Variants in CAPN13 observed in about 807,000 individuals in gnomAD.
The protein encoded by CAPN13 is calpain-13.
A neutral mutation model predicts 98.4 loss-of-function variants in CAPN13; 90 were observed. The observed-to-expected ratio is 0.92, with a 90% confidence interval of 0.77 to 1.09. The LOEUF is 1.09. Among genes scored for constraint, CAPN13 ranks in the 50% least tolerant of loss-of-function variants. CAPN13 has a pLI of 0.00. For missense variants in CAPN13, 887 were observed against 841.3 expected (o/e 1.05, Z -0.67); for synonymous variants, 330 against 305.5 (o/e 1.08, Z -0.84).
Position 30,774,987 on chromosome 2 carries a change from T to A in CAPN13, c.387+943A>T, listed in dbSNP as rs568849820. Among the ~76,000 whole-genome samples the A allele has an allele frequency of 1.2e-4, 18 of 152,282 alleles. 1 individual carries two copies. The highest frequency in any genetic ancestry group is 3.4e-3 in the Middle Eastern group (1 of 294). The stretch of plus-strand genomic sequence containing the variant: ...GGCAGGATTTGGCTCTTGTCACTCA[T>A]TCAAAATTCTGAGGTTCTAGCTAAT... On this transcript the variant is annotated intron_variant, in intron 4 of 22. Coordinates refer to ENST00000295055, the MANE Select transcript of CAPN13 (RefSeq NM_144575.3).
In CAPN13 at chr2:30,764,210, A is replaced by G. The variant is rs752790953; in HGVS notation, c.621T>C (p.Ser207=). 6.2e-7 allele frequency: 1 copy of G among 1,611,730 alleles called. No homozygotes were observed. The highest frequency in any genetic ancestry group is 8.5e-7 in the Non-Finnish European group (1 of 1,179,024). ...CTGCCTTCACCAGGTCCACAGGGGA[A>G]GAGTGCAGATGGATGTTGGTGATCA... ...GGVITNIHLH[S]SPVDLVKAVK... The change falls in exon 6 of 23, where the codon TCT becomes TCC. Residue 207 remains serine (S), a synonymous_variant. Transcript: ENST00000295055.
At chr2:30,764,681 G>A (rs1673024035) in intron 5 of CAPN13, among the ~76,000 whole-genome samples, 1 of 152,148 alleles carries the variant, frequency 6.6e-6, no homozygotes, top group East Asian at 1.9e-4. Context: ...ATAGTGCCCG[G>A]CACGTGACCA....
chr2:30,768,865 A>G (rs567722640), intron 5 of CAPN13, among the ~76,000 whole-genome samples: 1 of 152,078 alleles, frequency 6.6e-6, no homozygotes, highest in South Asian at 2.1e-4. Flanking sequence ...AGTGCCTCTT[A>G]CCTCATTTGC....
intron 1 of CAPN13, among the ~76,000 whole-genome samples, chr2:30,799,201 GGA>G (rs565816887): frequency 4.9e-4 from 75 of 152,174 alleles, no homozygotes; most frequent in African/African-American, 1.8e-3. Context: ...AGAGTGGGTG[GGA>G]GAGAGAGGGA....
At chr2:30,797,026 CA>C (rs1356631532) in intron 1 of CAPN13, among the ~76,000 whole-genome samples, 2 of 152,136 alleles carry the variant, frequency 1.3e-5, no homozygotes, top group Non-Finnish European at 2.9e-5. Flanking sequence ...AAAGAGGTGG[CA>C]AATTTTCATA....
intron 1 of CAPN13, among the ~76,000 whole-genome samples, chr2:30,803,200 C>T (rs756554658): frequency 1.2e-4 from 18 of 152,176 alleles, no homozygotes; most frequent in African/African-American, 4.1e-4. Flanking sequence ...GAATGTTTGG[C>T]GAGAAGAACA....
At chr2:30,726,674 G>T (rs1252348605) in intron 22 of CAPN13, among the ~76,000 whole-genome samples, 1 of 152,018 alleles carries the variant, frequency 6.6e-6, no homozygotes, top group African/African-American at 2.4e-5. Context: ...GAAAGTGTAA[G>T]ACTTCTACAC....
intron 2 of CAPN13, among the ~76,000 whole-genome samples, chr2:30,783,731 T>C (rs1278434007): frequency 1.3e-5 from 2 of 152,180 alleles, no homozygotes; most frequent in African/African-American, 4.8e-5. Flanking sequence ...GCTTTCTCAT[T>C]GTCAGGAAAA....
intron 22 of CAPN13, among the ~76,000 whole-genome samples, chr2:30,728,605 G>A (rs1206502454): frequency 6.6e-6 from 1 of 152,204 alleles, no homozygotes; most frequent in Middle Eastern, 3.2e-3. Context: ...AGAGGGACAA[G>A]TTGTGGTTAG....
rs1202026638 is a variant in CAPN13, at chr2:30,751,262, AAG to A, written c.1088-13_1088-12del. On this transcript the variant is annotated splice_polypyrimidine_tract_variant and intron_variant, in intron 10 of 22. Transcript: ENST00000295055. ...CATTCCGAGGTCCTCCTGCATCAGA[AAG>A]AGCTGTTACTAGAGCTCAGCTCCAC... 1 of 1,613,280 alleles carries A rather than the reference AAG, an allele frequency of 6.2e-7. No individual in the cohort carries two copies. The highest frequency in any genetic ancestry group is 8.5e-7 in the Non-Finnish European group (1 of 1,179,500).
chr2:30,735,277 T>C (rs1271081216), intron 18 of CAPN13, among the ~76,000 whole-genome samples: 1 of 152,184 alleles, frequency 6.6e-6, no homozygotes, highest in Non-Finnish European at 1.5e-5. Flanking sequence ...GGATGAGGTG[T>C]GTAAGTGCTG....
At chr2:30,781,021 C>T (rs538698981) in intron 2 of CAPN13, among the ~76,000 whole-genome samples, 2 of 152,326 alleles carry the variant, frequency 1.3e-5, no homozygotes, top group East Asian at 1.9e-4. Context: ...AGTCTCCAGC[C>T]GACTGTGAAT....
intron 11 of CAPN13, among the ~76,000 whole-genome samples, chr2:30,749,826 A>G (rs1672086675): frequency 2.0e-5 from 3 of 152,298 alleles, no homozygotes; most frequent in Non-Finnish European, 4.4e-5. Context: ...GAGAACCTTC[A>G]CTTGATTTGG....
chr2:30,731,018 G>A (rs1248399359), intron 21 of CAPN13, among the ~76,000 whole-genome samples: 2 of 152,188 alleles, frequency 1.3e-5, no homozygotes. Flanking sequence ...CCAGCTGGCT[G>A]GTCAGGAGCC....
intron 5 of CAPN13, among the ~76,000 whole-genome samples, chr2:30,765,070 G>A (rs757071739): frequency 2.1e-4 from 32 of 151,998 alleles, no homozygotes; most frequent in Non-Finnish European, 3.8e-4. Flanking sequence ...CCTCCACCCC[G>A]ACCCATGGCA....
Position 30,736,540 on chromosome 2 carries a change from T to A in CAPN13, c.1685A>T (p.Glu562Val), listed in dbSNP as rs752891629. 3.1e-6 allele frequency: 5 copies of A among 1,613,906 alleles called. No individual in the cohort carries two copies. The South Asian group carries it at 5.5e-5, about 18-fold the overall frequency. The change falls in exon 18 of 23, where the codon GAG becomes GTG. Residue 562 changes from glutamate (E) to valine (V), a missense_variant. Physicochemically the swap from Glu to Val is moderately radical, Grantham distance 121. Transcript: ENST00000295055. ...LKVNGRLDQE[E>V]FARLWKRLVH... ...AAGGCGCTTCCACAGTCGCGCAAACTCCTCTTGGTCTAGCCGCCCATTCAC... is the reference window on the plus strand; with the variant it reads ...AAGGCGCTTCCACAGTCGCGCAAACACCTCTTGGTCTAGCCGCCCATTCAC...
intron 2 of CAPN13, 46 bp downstream of exon 2, chr2:30,787,082 C>A: frequency 6.8e-7 from 1 of 1,461,254 alleles, no homozygotes; most frequent in Middle Eastern, 2.5e-4. Flanking sequence ...TGGCAGGCGA[C>A]TCCGAGGACC....
At chr2:30,794,372 T>C (rs1674748836) in intron 1 of CAPN13, among the ~76,000 whole-genome samples, 1 of 152,040 alleles carries the variant, frequency 6.6e-6, no homozygotes, top group South Asian at 2.1e-4. Context: ...CATTTTCTAA[T>C]GGCCTAAAAT....
Position 30,734,481 on chromosome 2 carries a change from C to A in CAPN13, c.1766G>T (p.Ser589Ile). ...KVQTSPGVLL[S>I]SDLWKAIENT... ...CTCTATGGCCTTCCACAAGTCCGAG[C>A]TCAGGAGGACTCCAGGGCTTGTCTG... Residue 589 changes from serine to isoleucine, a missense_variant, in exon 19 of 23, where the codon AGC becomes ATC. By Grantham distance (142) the Ser-to-Ile change is moderately radical (BLOSUM62 -2). Transcript: ENST00000295055. The A allele has an allele frequency of 6.2e-7, 1 of 1,613,988 alleles. No homozygotes were observed.
Sources: gnomAD v4.1 joint callset for allele counts (sites outside exome capture counted in the v4.1 genomes callset) on GRCh38, gnomAD v4.1.1 for gene constraint, MANE v1.5 for transcripts, NCBI Gene and HGNC (gene_info 2026-07-23, HGNC 2026-07-21) for gene names.